TENM2: variants seen among roughly 807,000 people sequenced by gnomAD.
TENM2 encodes the protein teneurin transmembrane protein 2, also known as teneurin-2.
In TENM2, 52 loss-of-function variants were observed where a neutral mutation model predicts 245.2. The ratio of observed to expected loss-of-function variants is 0.21; its 90% CI spans 0.17 to 0.27. The LOEUF (loss-of-function observed/expected upper bound fraction) is 0.27. Among genes scored for constraint, TENM2 ranks in the 10% least tolerant of loss-of-function variants. TENM2 has a pLI of 1.00. For synonymous variants in TENM2, 1,363 were observed against 1,438.9 expected, an observed-to-expected ratio of 0.95 and a Z score of 1.19; for missense variants, 3,046 against 3,666.8, an observed-to-expected ratio of 0.83 and a Z score of 4.37.
chr5:167,280,756 G>A (rs12655934), upstream of TENM2, among the ~76,000 whole-genome samples: 30 of 145,978 alleles, frequency 2.1e-4, no homozygotes, highest in East Asian at 1.8e-3. Flanking sequence ...CTATCTGTCT[G>A]TCTATCTATC....
intron 2 of TENM2, among the ~76,000 whole-genome samples, chr5:167,771,445 A>G (rs1763398202): frequency 6.6e-6 from 1 of 152,198 alleles, no homozygotes; most frequent in Non-Finnish European, 1.5e-5. Flanking sequence ...GAACAAGTCA[A>G]GTACCAATTC....
the TENM2 span, among the ~76,000 whole-genome samples, chr5:167,035,314 A>G: frequency 6.6e-6 from 1 of 152,212 alleles, no homozygotes; most frequent in Non-Finnish European, 1.5e-5. Flanking sequence ...GTTTGATGCT[A>G]TTAGATGAGT....
chr5:167,044,036 A>AGAAGGAAGGAAGGAAG, the TENM2 span, among the ~76,000 whole-genome samples: 17 of 128,510 alleles, frequency 1.3e-4, no homozygotes, highest in Admixed American at 1.3e-3. Flanking sequence ...TAGTAAGGAC[A>AGAAGGAAGGAAGGAAG]GAAGGAAGGA....
chr5:167,556,483 AGTT>A (rs1293386397), intron 2 of TENM2, among the ~76,000 whole-genome samples: 2 of 151,144 alleles, frequency 1.3e-5, no homozygotes, highest in African/African-American at 2.4e-5. Context: ...TGCTTATTCT[AGTT>A]GTGTTGATTT....
At chr5:167,899,575 T>G (rs927554670) in intron 3 of TENM2, among the ~76,000 whole-genome samples, 1 of 152,190 alleles carries the variant, frequency 6.6e-6, no homozygotes, top group Admixed American at 6.5e-5. Context: ...TGCACAAGGT[T>G]ACACAGATAA....
chr5:167,507,747 G>A (rs902844683), intron 2 of TENM2, among the ~76,000 whole-genome samples: 2 of 151,994 alleles, frequency 1.3e-5, no homozygotes, highest in Admixed American at 6.6e-5. Context: ...GCTGTGTATG[G>A]GTTAGTATAG....
At chr5:168,135,838 T>C (rs955891969) in intron 12 of TENM2, among the ~76,000 whole-genome samples, 1 of 152,188 alleles carries the variant, frequency 6.6e-6, no homozygotes, top group Non-Finnish European at 1.5e-5. Flanking sequence ...CAAAGTTGCA[T>C]CCGGAAACAT....
At chr5:167,562,849 C>T (rs1025442661) in intron 2 of TENM2, among the ~76,000 whole-genome samples, 2 of 150,382 alleles carry the variant, frequency 1.3e-5, no homozygotes, top group African/African-American at 2.5e-5. Context: ...CCCAGCTGCT[C>T]GGGAGGCTGA....
exon 27 of TENM2, chr5:168,248,114 C>T (rs1268422632): frequency 5.0e-6 from 8 of 1,613,836 alleles, no homozygotes; most frequent in African/African-American, 1.3e-5. Flanking sequence ...CTGCAGTACA[C>T]GGCCTATGGG....
intron 9 of TENM2, among the ~76,000 whole-genome samples, chr5:168,101,056 C>T (rs537584792): frequency 6.6e-6 from 1 of 152,202 alleles, no homozygotes; most frequent in East Asian, 1.9e-4. Flanking sequence ...GGCACATCAG[C>T]AAAGTGAACT....
the TENM2 span, among the ~76,000 whole-genome samples, chr5:167,123,900 C>T: frequency 6.6e-6 from 1 of 152,290 alleles, no homozygotes; most frequent in Non-Finnish European, 1.5e-5. Flanking sequence ...AATACATTTT[C>T]AATTTTTATG....
At chr5:168,216,884 C>G (rs1293491981) in exon 22 of TENM2, 1 of 1,613,960 alleles carries the variant, frequency 6.2e-7, no homozygotes, top group Non-Finnish European at 8.5e-7. Flanking sequence ...CACTGCCGTC[C>G]GGCCGCTGAG....
intron 2 of TENM2, among the ~76,000 whole-genome samples, chr5:167,448,284 G>C (rs996337117): frequency 3.9e-5 from 6 of 151,992 alleles, no homozygotes; most frequent in African/African-American, 1.5e-4. Context: ...CAAATGGTGA[G>C]GGTGGTGGAA....
At chr5:167,081,538 T>C in the TENM2 span, among the ~76,000 whole-genome samples, 1 of 152,106 alleles carries the variant, frequency 6.6e-6, no homozygotes, top group Non-Finnish European at 1.5e-5. Flanking sequence ...AAAGAGTTAT[T>C]GTAGTTATTA....
At chr5:167,954,168 C>T (rs1383314914) in intron 4 of TENM2, among the ~76,000 whole-genome samples, 1 of 151,804 alleles carries the variant, frequency 6.6e-6, no homozygotes, top group Admixed American at 6.6e-5. Context: ...AACGTGTGTG[C>T]ACACACACAC....
At chr5:167,430,833 C>T (rs1344068833) in intron 2 of TENM2, among the ~76,000 whole-genome samples, 1 of 152,188 alleles carries the variant, frequency 6.6e-6, no homozygotes, top group East Asian at 1.9e-4. Flanking sequence ...CTACAAATGT[C>T]AGAGCCAAAC....
At chr5:167,255,374 A>G in the TENM2 span, among the ~76,000 whole-genome samples, 2 of 152,052 alleles carry the variant, frequency 1.3e-5, no homozygotes, top group Non-Finnish European at 2.9e-5. Context: ...AATTGCACCT[A>G]TTGTGAAGGT....
At position 167,981,979 on chromosome 5, in the gene TENM2, CAAAAAAAA is replaced by C. The variant is rs58295569; in HGVS notation, c.948-10956_948-10949del. On this transcript the variant is annotated intron_variant, in intron 4 of 28. Transcript: ENST00000518659. ...ACAAGAGTGAAGCTCTGTTTCAGAC[CAAAAAAAA>C]AAAAAAAAGAAAAAAGAAAAAAAGA... 1.4e-4 allele frequency among the ~76,000 whole-genome samples: 14 copies of C among 100,762 alleles called. No individual in the cohort carries two copies. In the East Asian group the frequency reaches 1.5e-3, roughly 11 times the overall value. The allele number at this position is 100,762 out of a possible 152,430, so 66.1% of individuals were successfully genotyped here. A position where few individuals can be genotyped will look rare whatever the true frequency, so the allele number is the denominator to read the frequency against.
chr5:167,964,188 G>A (rs1334003162), intron 4 of TENM2, among the ~76,000 whole-genome samples: 1 of 152,146 alleles, frequency 6.6e-6, no homozygotes, highest in Non-Finnish European at 1.5e-5. Context: ...AAATCTTCCC[G>A]GTCGGCTGCT....
Sources: allele counts gnomAD v4.1 joint callset (sites outside exome capture counted in the v4.1 genomes callset), GRCh38; gene constraint gnomAD v4.1.1; transcripts MANE v1.5; gene names NCBI Gene and HGNC (gene_info 2026-07-23, HGNC 2026-07-21).